Variants in NALCN observed in about 807,000 individuals in gnomAD.
NALCN encodes the protein sodium leak channel, non-selective.
NALCN carries 111 observed loss-of-function variants against 225.3 expected under a neutral mutation model. The ratio of observed to expected loss-of-function variants is 0.49; its 90% CI spans 0.42 to 0.58. The LOEUF is 0.58. Ranked by LOEUF, NALCN falls within the 20% of genes least tolerant of loss-of-function variation. The probability of loss-of-function intolerance (pLI) is 0.00; values close to 1 mark genes in which losing one functional copy is unlikely to be tolerated. For missense variants in NALCN, 1,378 were observed against 2,202.4 expected (o/e 0.63, Z 7.49); for synonymous variants, 764 against 769.0 (o/e 0.99, Z 0.11).
chr13:101,371,915 C>A (rs1390995771), intron 6 of NALCN, among the ~76,000 whole-genome samples: 1 of 152,118 alleles, frequency 6.6e-6, no homozygotes, highest in Non-Finnish European at 1.5e-5. Context: ...CTTTTACTGT[C>A]AATCCAGGAA....
chr13:101,275,132 C>G (rs908075811), intron 10 of NALCN, among the ~76,000 whole-genome samples: 9 of 152,192 alleles, frequency 5.9e-5, no homozygotes, highest in African/African-American at 1.7e-4. Context: ...GATGCCCCCA[C>G]GCAACTTCAT....
At chr13:101,316,173 TC>T (rs1356579513) in intron 7 of NALCN, among the ~76,000 whole-genome samples, 3 of 151,220 alleles carry the variant, frequency 2.0e-5, no homozygotes, top group Non-Finnish European at 4.4e-5. Context: ...TCAATAAATG[TC>T]CTTCTCATCA....
chr13:101,095,996 A>G (rs529031177), intron 27 of NALCN, among the ~76,000 whole-genome samples: 1 of 152,324 alleles, frequency 6.6e-6, no homozygotes, highest in African/African-American at 2.4e-5. Context: ...AATGCAAATC[A>G]AAACCATAAT....
chr13:101,411,055 T>C (rs1594798568), intron 1 of NALCN, among the ~76,000 whole-genome samples: 1 of 152,188 alleles, frequency 6.6e-6, no homozygotes, highest in African/African-American at 2.4e-5. Flanking sequence ...TTCCAATTTG[T>C]TGGCATTCTA....
intron 27 of NALCN, among the ~76,000 whole-genome samples, chr13:101,096,486 G>A (rs1185997397): frequency 6.6e-6 from 1 of 152,144 alleles, no homozygotes; most frequent in East Asian, 1.9e-4. Context: ...CATATGTTAT[G>A]ATTTTATTCA....
chr13:101,056,708 C>T (rs1283006126), intron 43 of NALCN, among the ~76,000 whole-genome samples: 8 of 152,184 alleles, frequency 5.3e-5, no homozygotes, highest in Non-Finnish European at 2.9e-5. Flanking sequence ...CTTGTGCTCA[C>T]ACCACGGTAA....
At chr13:101,337,733 T>C (rs531314395) in intron 7 of NALCN, among the ~76,000 whole-genome samples, 1 of 152,304 alleles carries the variant, frequency 6.6e-6, no homozygotes, top group South Asian at 2.1e-4. Context: ...ATCATCATAA[T>C]GAGACTTTAT....
intron 6 of NALCN, among the ~76,000 whole-genome samples, chr13:101,362,114 T>C (rs1395096439): frequency 6.6e-6 from 1 of 151,960 alleles, no homozygotes; most frequent in Non-Finnish European, 1.5e-5. Flanking sequence ...TAGATAGTAC[T>C]AAAAATATAT....
At chr13:101,299,620 G>A (rs932723661) in intron 7 of NALCN, among the ~76,000 whole-genome samples, 1 of 152,184 alleles carries the variant, frequency 6.6e-6, no homozygotes, top group African/African-American at 2.4e-5. Context: ...CAGCTCAGTA[G>A]CCTCTACAAT....
chr13:101,245,416 CCTCTT>C (rs1466849930), intron 11 of NALCN, among the ~76,000 whole-genome samples: 1 of 152,200 alleles, frequency 6.6e-6, no homozygotes, highest in East Asian at 1.9e-4. Flanking sequence ...TTTTAAATCA[CCTCTT>C]CTAAGAAGTC....
intron 13 of NALCN, among the ~76,000 whole-genome samples, chr13:101,216,893 T>G (rs12431050): frequency 0.22 from 33,184 of 152,110 alleles, 3,771 homozygotes; most frequent in East Asian, 0.37. Flanking sequence ...AATTAACATT[T>G]AGAGAATGAA....
At position 101,074,576 on chromosome 13, in the gene NALCN, C is replaced by A; in HGVS notation, c.4041G>T (p.Leu1347=). The change falls in exon 36 of 44, where the codon CTG becomes CTT. Residue 1347 remains leucine (L), a synonymous_variant. Transcript: ENST00000251127. ...AAACAACTCCAGCAAAAGCGTAACACAGCAGCAAGAGAAACATGCCTACTA... is the reference window on the plus strand; with the variant it reads ...AAACAACTCCAGCAAAAGCGTAACAAAGCAGCAAGAGAAACATGCCTACTA... ...FIIVGMFLLL[L]CYAFAGVVLF... 1.9e-6 allele frequency: 3 copies of A among 1,613,802 alleles called. No homozygotes were observed. The highest frequency in any genetic ancestry group is 2.5e-6 in the Non-Finnish European group (3 of 1,179,970).
chr13:101,240,756 C>A (rs1458022233), intron 11 of NALCN, among the ~76,000 whole-genome samples: 1 of 151,944 alleles, frequency 6.6e-6, no homozygotes, highest in Non-Finnish European at 1.5e-5. Context: ...AAAGACTTTC[C>A]TTTTCTTCCT....
rs375252355 is a variant in NALCN, at chr13:101,111,262, G to A, written c.2193-36C>T. 3 of 1,542,472 alleles carry A rather than the reference G, an allele frequency of 1.9e-6. No individual in the cohort carries two copies. In the African/African-American group the frequency reaches 4.1e-5, roughly 21 times the overall value. ...AAAAGGAGCCCAAGATAAATGCATG[G>A]TTTGTACACTTGAGATGAATAACAC... On this transcript the variant is annotated intron_variant, in intron 18 of 43. Coordinates refer to ENST00000251127, the MANE Select transcript of NALCN (RefSeq NM_052867.4).
chr13:101,306,837 G>A (rs1388127513), intron 7 of NALCN, among the ~76,000 whole-genome samples: 1 of 152,184 alleles, frequency 6.6e-6, no homozygotes, highest in Non-Finnish European at 1.5e-5. Context: ...CTCCATGCAA[G>A]CTTAATCCCC....
chr13:101,258,820 T>A (rs1013289543), intron 10 of NALCN, among the ~76,000 whole-genome samples: 1 of 152,310 alleles, frequency 6.6e-6, no homozygotes, highest in Admixed American at 6.5e-5. Context: ...AAAACATATA[T>A]CATTTGTGTA....
At chr13:101,132,463 T>C (rs1275245922) in intron 17 of NALCN, among the ~76,000 whole-genome samples, 2 of 152,120 alleles carry the variant, frequency 1.3e-5, no homozygotes, top group Non-Finnish European at 2.9e-5. Flanking sequence ...CTCTAGTCAT[T>C]GAATGAAGAA....
intron 15 of NALCN, among the ~76,000 whole-genome samples, chr13:101,161,080 A>C (rs536464574): frequency 1.3e-5 from 2 of 152,264 alleles, no homozygotes; most frequent in Non-Finnish European, 2.9e-5. Flanking sequence ...ACCTTCCAGT[A>C]TTATGAAAAC....
At chr13:101,094,168 C>T (rs2034381354) in intron 28 of NALCN, among the ~76,000 whole-genome samples, 1 of 152,160 alleles carries the variant, frequency 6.6e-6, no homozygotes, top group African/African-American at 2.4e-5. Context: ...AGCACAAAGC[C>T]CTTTGCCGCA....
Sources: allele counts gnomAD v4.1 joint callset (sites outside exome capture counted in the v4.1 genomes callset), GRCh38; gene constraint gnomAD v4.1.1; transcripts MANE v1.5; gene names NCBI Gene and HGNC (gene_info 2026-07-23, HGNC 2026-07-21).